Variants in OR5V1 observed in about 807,000 individuals in gnomAD.
OR5V1 encodes the protein olfactory receptor family 5 subfamily V member 1.
For synonymous variants in OR5V1, 134 were observed against 143.2 expected (o/e 0.94, Z 0.46); for missense variants, 365 against 371.5 (o/e 0.98, Z 0.14).
intron 1 of OR5V1, among the ~76,000 whole-genome samples, chr6:29,365,396 A>T (rs1315592039): frequency 6.6e-6 from 1 of 152,118 alleles, no homozygotes; most frequent in African/African-American, 2.4e-5. Context: ...AATTTTGGCT[A>T]TCTATCCATC....
intron 1 of OR5V1, among the ~76,000 whole-genome samples, chr6:29,357,959 T>G (rs1339268515): frequency 1.3e-5 from 2 of 152,202 alleles, no homozygotes; most frequent in African/African-American, 4.8e-5. Flanking sequence ...CTATATACTT[T>G]ATCGATTGCC....
intron 1 of OR5V1, among the ~76,000 whole-genome samples, chr6:29,365,735 A>C (rs142020488): frequency 1.9e-3 from 297 of 152,356 alleles, no homozygotes; most frequent in Middle Eastern, 3.4e-3. Flanking sequence ...CCATTGTGGA[A>C]GGCAGTGTGG....
At position 29,360,962 on chromosome 6, in the gene OR5V1, C is replaced by T. The variant is rs140235895; in HGVS notation, c.-82-4685G>A. Among the ~76,000 whole-genome samples, 444 of 152,222 alleles carry T rather than the reference C, an allele frequency of 2.9e-3. 11 individuals carry two copies. Among genetic ancestry groups the T allele is most frequent in the Admixed American group, 0.024 (370 of 15,296 alleles). On this transcript the variant is annotated intron_variant, in intron 1 of 1. Transcript: ENST00000641768. ...TTGATGAATTCACAGAAGTAGGCTT[C>T]AGAAGGTGGGAAATAACAAACTCCA...
intron 1 of OR5V1, among the ~76,000 whole-genome samples, chr6:29,357,326 C>G (rs1778363062): frequency 6.6e-6 from 1 of 151,966 alleles, no homozygotes; most frequent in South Asian, 2.1e-4. Flanking sequence ...AGCACCAAGC[C>G]TCAGCAAGAT....
Position 29,367,865 on chromosome 6 carries a change from T to C in OR5V1, c.-83+767A>G, listed in dbSNP as rs567462773. Reference sequence around the variant, plus strand: ...CTGCTTTTCCAAGCAGCCATGGTCTTGACTCCTTACTAAAGAACCGAAACT... The same window carrying C: ...CTGCTTTTCCAAGCAGCCATGGTCTCGACTCCTTACTAAAGAACCGAAACT... On this transcript the variant is annotated intron_variant, in intron 1 of 1. Coordinates refer to ENST00000641768, the MANE Select transcript of OR5V1 (RefSeq NM_030876.6). Among the ~76,000 whole-genome samples, 3 of 152,282 alleles carry C rather than the reference T, an allele frequency of 2.0e-5. No individual in the cohort carries two copies. In the South Asian group the frequency reaches 6.2e-4, roughly 32 times the overall value.
chr6:29,363,940 G>T (rs1778714728), intron 1 of OR5V1, among the ~76,000 whole-genome samples: 1 of 152,076 alleles, frequency 6.6e-6, no homozygotes, highest in South Asian at 2.1e-4. Flanking sequence ...TGGAAGTTCT[G>T]CCCAGGGCAA....
chr6:29,362,240 A>G (rs774851017), intron 1 of OR5V1, among the ~76,000 whole-genome samples: 4 of 152,234 alleles, frequency 2.6e-5, no homozygotes, highest in Non-Finnish European at 5.9e-5. Flanking sequence ...AGAGCTAACT[A>G]TCCTAAATAC....
chr6:29,364,449 A>C (rs1012946652), intron 1 of OR5V1, among the ~76,000 whole-genome samples: 6 of 151,616 alleles, frequency 4.0e-5, no homozygotes, highest in Non-Finnish European at 7.4e-5. Context: ...AACGACTTTA[A>C]ATTTCATATG....
intron 1 of OR5V1, among the ~76,000 whole-genome samples, chr6:29,360,699 G>T (rs1009628578): frequency 6.6e-6 from 1 of 152,106 alleles, no homozygotes; most frequent in South Asian, 2.1e-4. Flanking sequence ...ACTGGTAGAA[G>T]AAAAACTAAC....
At chr6:29,362,329 A>G (rs1778603880) in intron 1 of OR5V1, among the ~76,000 whole-genome samples, 1 of 152,170 alleles carries the variant, frequency 6.6e-6, no homozygotes, top group African/African-American at 2.4e-5. Flanking sequence ...CTCCCATACA[A>G]TAATAATGGA....
In OR5V1 at chr6:29,356,205, T is replaced by C. The variant is rs1444937029; in HGVS notation, c.-10A>G. On this transcript the variant is annotated 5_prime_UTR_variant, in exon 2 of 2. Transcript: ENST00000641768. ...GATTCTTTCTTTCCATGATGTCGCC[T>C]GGTTTCCTTTCAGGAATTGGGCAAA... 1 of 1,547,662 alleles carries C rather than the reference T, an allele frequency of 6.5e-7. No individual in the cohort carries two copies. The highest frequency in any genetic ancestry group is 1.4e-5 in the African/African-American group (1 of 72,446).
chr6:29,365,913 A>G (rs368725749), intron 1 of OR5V1, among the ~76,000 whole-genome samples: 2 of 152,220 alleles, frequency 1.3e-5, no homozygotes, highest in African/African-American at 4.8e-5. Context: ...ACAAATGCCC[A>G]TCAATGATAG....
Position 29,355,814 on chromosome 6 carries a change from T to C in OR5V1, c.382A>G (p.Asn128Asp). ...MAYDRYIAIC[N>D]PLRYSVILSK... ...AGAATAACTGAATACCTTAAAGGAT[T>C]GCAGATTGCAATGTAACGATCATAT... The change falls in exon 2 of 2, where the codon AAT becomes GAT. Residue 128 changes from asparagine to aspartate, a missense_variant. Transcript: ENST00000641768. 1.2e-6 allele frequency: 2 copies of C among 1,614,070 alleles called. No homozygotes were observed. Among genetic ancestry groups the C allele is most frequent in the South Asian group, 2.2e-5 (2 of 91,082 alleles).
At chr6:29,359,233 T>C (rs1057180982) in intron 1 of OR5V1, among the ~76,000 whole-genome samples, 4 of 152,200 alleles carry the variant, frequency 2.6e-5, no homozygotes, top group South Asian at 2.1e-4. Flanking sequence ...ATCATTGTAT[T>C]ACCCAGTTCA....
intron 1 of OR5V1, among the ~76,000 whole-genome samples, chr6:29,356,681 A>G (rs1440377094): frequency 6.6e-6 from 1 of 152,194 alleles, no homozygotes; most frequent in Non-Finnish European, 1.5e-5. Context: ...ATTAAAATTA[A>G]TGTATTTGTT....
chr6:29,360,240 C>G (rs1294287377), intron 1 of OR5V1, among the ~76,000 whole-genome samples: 1 of 152,204 alleles, frequency 6.6e-6, no homozygotes, highest in African/African-American at 2.4e-5. Context: ...GAGGGCATCT[C>G]TGAAAGAAAG....
Position 29,355,996 on chromosome 6 carries a change from G to C in OR5V1, c.200C>G (p.Ala67Gly). 1 of 1,614,020 alleles carries C rather than the reference G, an allele frequency of 6.2e-7. No homozygotes were observed. Among genetic ancestry groups the C allele is most frequent in the Non-Finnish European group, 8.5e-7 (1 of 1,179,948 alleles). ...GGTGGTGTAGCAGATGTCAATAAAG[G>C]CCAAGTTCCCTAGAAAATAATACAT... ...TPMYYFLGNL[A>G]FIDICYTTSN... Residue 67 changes from alanine (A) to glycine (G), a missense_variant, in exon 2 of 2, where the codon GCC (alanine) becomes GGC (glycine). Coordinates refer to ENST00000641768, the MANE Select transcript of OR5V1 (RefSeq NM_030876.6).
In OR5V1 at chr6:29,354,372, T is replaced by C. The variant is rs936380728; in HGVS notation, c.*858A>G. Reference sequence around the variant, plus strand: ...GGTAATAACACATAGAAAATAGTAATTAAGTACTTTTACTTTTAACATTAG... The same window carrying C: ...GGTAATAACACATAGAAAATAGTAACTAAGTACTTTTACTTTTAACATTAG... On this transcript the variant is annotated 3_prime_UTR_variant, in exon 2 of 2. Coordinates refer to ENST00000641768, the MANE Select transcript of OR5V1 (RefSeq NM_030876.6). 2.0e-5 allele frequency: 3 copies of C among 152,104 alleles called. No homozygotes were observed. The highest frequency in any genetic ancestry group is 7.2e-5 in the African/African-American group (3 of 41,454). The allele number at this position is 152,104 out of a possible 1,614,324, so 9.4% of individuals were successfully genotyped here. A position where few individuals can be genotyped will look rare whatever the true frequency, so the allele number is the denominator to read the frequency against.
Position 29,354,469 on chromosome 6 carries a change from T to G in OR5V1, c.*761A>C, listed in dbSNP as rs1291186933. Reference sequence around the variant, plus strand: ...TTTTTATTCCCCATCAAAAAACCCTTGTTTTTTCTGTATGTTTTATCTGAT... The same window carrying G: ...TTTTTATTCCCCATCAAAAAACCCTGGTTTTTTCTGTATGTTTTATCTGAT... On this transcript the variant is annotated 3_prime_UTR_variant, in exon 2 of 2. Transcript: ENST00000641768. The G allele has an allele frequency of 4.6e-5, 7 of 152,140 alleles. No homozygotes were observed. The highest frequency in any genetic ancestry group is 4.6e-4 in the Admixed American group (7 of 15,266). 9.4% of individuals were successfully genotyped at this position (152,140 alleles called of 1,614,324 possible).
Sources: allele counts gnomAD v4.1 joint callset (sites outside exome capture counted in the v4.1 genomes callset), GRCh38; gene constraint gnomAD v4.1.1; transcripts MANE v1.5; gene names NCBI Gene and HGNC (gene_info 2026-07-23, HGNC 2026-07-21).